The following SLC12A3 variants were observed in gnomAD, a reference collection of about 807,000 sequenced individuals.
The protein encoded by SLC12A3 is Na-Cl cotransporter.
In SLC12A3, 104 loss-of-function variants were observed where a neutral mutation model predicts 121.0. That is an observed-to-expected ratio of 0.86 (90% CI 0.73 to 1.01). The LOEUF (loss-of-function observed/expected upper bound fraction) is 1.01. SLC12A3 is among the 50% of genes least tolerant of loss of function. SLC12A3 has a pLI of 0.00. For missense variants in SLC12A3, 1,328 were observed against 1,356.3 expected, an observed-to-expected ratio of 0.98 and a Z score of 0.33; for synonymous variants, 536 against 533.4, an observed-to-expected ratio of 1.00 and a Z score of -0.07.
chr16:56,869,139 C>T (rs966044527), intron 3 of SLC12A3, among the ~76,000 whole-genome samples: 7 of 152,138 alleles, frequency 4.6e-5, no homozygotes, highest in East Asian at 1.9e-4. Flanking sequence ...CTCATGGAAC[C>T]GTTGTGGCTT....
At chr16:56,883,908 T>C in intron 13 of SLC12A3, 141 bp from the exon 14 acceptor site, 1 of 809,230 alleles carries the variant, frequency 1.2e-6, no homozygotes, top group East Asian at 2.6e-5. Flanking sequence ...GCAGGGTGGG[T>C]GGTGCTCATG....
intron 25 of SLC12A3, among the ~76,000 whole-genome samples, chr16:56,905,523 AGACCTGTC>A (rs1189632754): frequency 2.6e-5 from 4 of 152,116 alleles, no homozygotes; most frequent in Admixed American, 2.6e-4. Flanking sequence ...CCCCACTCCC[AGACCTGTC>A]ACCATCTGAC....
At chr16:56,888,084 G>A in intron 18 of SLC12A3, 53 bp downstream of exon 18, 1 of 1,356,100 alleles carries the variant, frequency 7.4e-7, no homozygotes, top group Non-Finnish European at 1.1e-6. Flanking sequence ...GGCCCATTGG[G>A]CCTTGAGAAG....
intron 17 of SLC12A3, among the ~76,000 whole-genome samples, chr16:56,887,528 C>G (rs2055330768): frequency 6.6e-6 from 1 of 151,604 alleles, no homozygotes; most frequent in Admixed American, 6.6e-5. Context: ...TTTCTTATGT[C>G]TCCAGATGTG....
intron 18 of SLC12A3, among the ~76,000 whole-genome samples, chr16:56,889,270 G>C (rs2055358403): frequency 6.6e-6 from 1 of 152,188 alleles, no homozygotes; most frequent in Non-Finnish European, 1.5e-5. Context: ...CTGATCTCCA[G>C]CCTCCCTCCA....
chr16:56,888,509 C>A (rs1255468976), intron 18 of SLC12A3, among the ~76,000 whole-genome samples: 1 of 151,138 alleles, frequency 6.6e-6, no homozygotes, highest in Non-Finnish European at 1.5e-5. Flanking sequence ...GGCTCTAGTG[C>A]CCGTGCAGAA....
At chr16:56,902,585 C>A in intron 24 of SLC12A3, 77 bp downstream of exon 24, 1 of 1,556,092 alleles carries the variant, frequency 6.4e-7, no homozygotes, top group Non-Finnish European at 8.8e-7. Flanking sequence ...CTTGAGCTCC[C>A]CCAGCCCCTC....
chr16:56,912,720 A>G (rs1278473762), intron 25 of SLC12A3, among the ~76,000 whole-genome samples: 1 of 152,240 alleles, frequency 6.6e-6, no homozygotes, highest in Non-Finnish European at 1.5e-5. Context: ...AGACAAGCAC[A>G]TAAATCAGAA....
rs147200024 is a variant in SLC12A3, at chr16:56,865,272, G to A, written c.37G>A (p.Ala13Thr). 15 of 1,613,684 alleles carry A rather than the reference G, an allele frequency of 9.3e-6. No individual in the cohort carries two copies. The African/African-American group carries it at 9.3e-5, about 10-fold the overall frequency. ...ELPTTETPGD[A>T]TLCSGRFTIS... is the part of the protein sequence containing the mutation. ...GCCCACAACAGAGACGCCTGGGGAC[G>A]CCACTTTGTGCAGCGGGCGCTTCAC... Residue 13 changes from alanine to threonine, a missense_variant, in exon 1 of 26, where the codon GCC (alanine) becomes ACC (threonine). Coordinates refer to ENST00000563236, the MANE Select transcript of SLC12A3 (RefSeq NM_001126108.2).
chr16:56,891,758 G>T (rs1002973414), intron 19 of SLC12A3, among the ~76,000 whole-genome samples: 2 of 152,232 alleles, frequency 1.3e-5, no homozygotes, highest in African/African-American at 2.4e-5. Context: ...GCCAGGGAAG[G>T]CCTCCCTCAG....
At chr16:56,880,382 G>A in intron 12 of SLC12A3, 129 bp downstream of exon 12, 4 of 1,199,992 alleles carry the variant, frequency 3.3e-6, no homozygotes, top group South Asian at 2.9e-5. Context: ...TGGGCACTAA[G>A]AGGCTAAGTC....
chr16:56,871,924 T>C (rs890743641), intron 6 of SLC12A3, among the ~76,000 whole-genome samples: 1 of 152,134 alleles, frequency 6.6e-6, no homozygotes, highest in African/African-American at 2.4e-5. Flanking sequence ...GGTTTCACCA[T>C]GTTGGCCAGG....
chr16:56,893,963 TA>T (rs1567442373), intron 21 of SLC12A3, among the ~76,000 whole-genome samples: 2 of 141,686 alleles, frequency 1.4e-5, no homozygotes, highest in African/African-American at 5.4e-5. Context: ...TTTTTATTTT[TA>T]TTTTTATTTT....
At position 56,883,356 on chromosome 16, in the gene SLC12A3, C is replaced by A. The variant is rs553228708; in HGVS notation, c.1670-693C>A. On this transcript the variant is annotated intron_variant, in intron 13 of 25. Transcript: ENST00000563236. The stretch of plus-strand genomic sequence containing the variant: ...AGAGCAGTTGCACGATCTCGGCTCA[C>A]TGCAAGCTCCACCTCCCGGGTTCAT... Among the ~76,000 whole-genome samples the A allele has an allele frequency of 2.0e-5, 3 of 148,538 alleles. No homozygotes were observed. The East Asian group carries it at 6.0e-4, about 30-fold the overall frequency.
chr16:56,883,363 C>T (rs916135242), intron 13 of SLC12A3, among the ~76,000 whole-genome samples: 2 of 148,360 alleles, frequency 1.3e-5, no homozygotes, highest in Non-Finnish European at 3.0e-5. Flanking sequence ...TCACTGCAAG[C>T]TCCACCTCCC....
intron 24 of SLC12A3, among the ~76,000 whole-genome samples, chr16:56,902,867 C>T (rs992318437): frequency 9.2e-5 from 14 of 152,192 alleles, no homozygotes; most frequent in South Asian, 2.1e-4. Context: ...CCTGTTAGGC[C>T]GGGCATGGTG....
chr16:56,897,816 C>A (rs1232221465), intron 22 of SLC12A3, among the ~76,000 whole-genome samples: 5 of 152,232 alleles, frequency 3.3e-5, no homozygotes, highest in Non-Finnish European at 7.3e-5. Flanking sequence ...CTACATAATC[C>A]TGGGGCAAGT....
At chr16:56,886,253 G>T in intron 15 of SLC12A3, 111 bp from the exon 16 acceptor site, 1 of 749,766 alleles carries the variant, frequency 1.3e-6, no homozygotes, top group Non-Finnish European at 2.3e-6. Flanking sequence ...AGCATGTAGG[G>T]TCATGCTGGT....
chr16:56,870,147 C>T lies in SLC12A3; in HGVS notation c.653C>T (p.Ser218Phe). 1 of 1,614,064 alleles carries T rather than the reference C, an allele frequency of 6.2e-7. No individual in the cohort carries two copies. The highest frequency in any genetic ancestry group is 1.1e-5 in the South Asian group (1 of 91,090). ...AGTCTGGGCCCAGAGCTTGGGGGCTCCATCGGCCTCATTTTCGCTTTCGCC... is the reference window on the plus strand; with the variant it reads ...AGTCTGGGCCCAGAGCTTGGGGGCTTCATCGGCCTCATTTTCGCTTTCGCC... ...SRSLGPELGG[S>F]IGLIFAFANA... The change falls in exon 5 of 26, where the codon TCC (serine) becomes TTC (phenylalanine). Residue 218 changes from serine (S) to phenylalanine (F), a missense_variant. Ser to Phe is a radical substitution (Grantham distance 155). Coordinates refer to ENST00000563236, the MANE Select transcript of SLC12A3 (RefSeq NM_001126108.2).
Sources: gnomAD v4.1 joint callset for allele counts (sites outside exome capture counted in the v4.1 genomes callset) on GRCh38, gnomAD v4.1.1 for gene constraint, MANE v1.5 for transcripts, NCBI Gene and HGNC (gene_info 2026-07-23, HGNC 2026-07-21) for gene names.